TET3: variants seen among roughly 807,000 people sequenced by gnomAD.
TET3 encodes the protein methylcytosine dioxygenase TET3.
Under a neutral mutation model 141.4 loss-of-function variants are expected in TET3, and 19 were observed. The ratio of observed to expected loss-of-function variants is 0.13; its 90% CI spans 0.09 to 0.20. The LOEUF (loss-of-function observed/expected upper bound fraction) is 0.20. Ranked by LOEUF, TET3 falls within the 10% of genes least tolerant of loss-of-function variation. TET3 has a pLI of 1.00. For missense variants in TET3, 1,874 were observed against 2,356.9 expected, an observed-to-expected ratio of 0.80 and a Z score of 4.24; for synonymous variants, 1,043 against 980.9, an observed-to-expected ratio of 1.06 and a Z score of -1.18.
Position 74,008,039 on chromosome 2 carries a change from T to C in TET3, c.360+4873T>C, listed in dbSNP as rs141474632. 4.7e-3 allele frequency among the ~76,000 whole-genome samples: 721 copies of C among 152,258 alleles called. 5 individuals are homozygous for C. Among genetic ancestry groups the C allele is most frequent in the African/African-American group, 0.017 (687 of 41,530 alleles). On this transcript the variant is annotated intron_variant, in intron 3 of 11. Transcript: ENST00000409262. ...TTCCTCTTGGTTCCTGTATTTATGTTGTGGTGGATTGGTGTTAAGCAGTTT... is the reference window on the plus strand; with the variant it reads ...TTCCTCTTGGTTCCTGTATTTATGTCGTGGTGGATTGGTGTTAAGCAGTTT...
chr2:74,083,574 C>T (rs1689952280), intron 6 of TET3, among the ~76,000 whole-genome samples: 1 of 152,170 alleles, frequency 6.6e-6, no homozygotes, highest in South Asian at 2.1e-4. Context: ...ATCTCTCTTG[C>T]TCTGCTCAGG....
At chr2:74,109,313 C>G (rs1447106143), downstream of TET3, among the ~76,000 whole-genome samples, 1 of 151,928 alleles carries the variant, frequency 6.6e-6, no homozygotes, top group East Asian at 1.9e-4. Context: ...TGAAATCCCA[C>G]CACGAGAGAA....
At chr2:74,122,484 T>G in the TET3 span, 2 of 102,130 alleles carry the variant, frequency 2.0e-5, no homozygotes, top group South Asian at 5.0e-4. Flanking sequence ...TATATATAAA[T>G]ACATACATAT....
chr2:74,121,441 T>C, the TET3 span: 1 of 152,114 alleles, frequency 6.6e-6, no homozygotes, highest in Admixed American at 6.6e-5. Context: ...ATCAGAAAAA[T>C]GTCACAGCTG....
intron 3 of TET3, among the ~76,000 whole-genome samples, chr2:74,014,367 A>G (rs1685619094): frequency 6.6e-6 from 1 of 152,110 alleles, no homozygotes; most frequent in Non-Finnish European, 1.5e-5. Context: ...CAGCATGAGA[A>G]TTCCGAGCCC....
At chr2:74,018,217 T>C (rs1203577049) in intron 3 of TET3, among the ~76,000 whole-genome samples, 3 of 152,158 alleles carry the variant, frequency 2.0e-5, no homozygotes, top group Non-Finnish European at 1.5e-5. Context: ...TCGGCCTGCC[T>C]TGGCCTCCCA....
intron 3 of TET3, among the ~76,000 whole-genome samples, chr2:74,036,764 T>G (rs1208853993): frequency 6.6e-6 from 1 of 152,228 alleles, no homozygotes; most frequent in Non-Finnish European, 1.5e-5. Context: ...TTTTCCTGGT[T>G]CCTTCTTTTC....
At chr2:74,069,358 T>A (rs1689078686) in intron 4 of TET3, among the ~76,000 whole-genome samples, 1 of 149,638 alleles carries the variant, frequency 6.7e-6, no homozygotes, top group Non-Finnish European at 1.5e-5. Context: ...CAGTCAGGTA[T>A]TATTCTATCT....
downstream of TET3, among the ~76,000 whole-genome samples, chr2:74,109,203 G>A (rs978269537): frequency 6.6e-6 from 1 of 152,128 alleles, no homozygotes; most frequent in Admixed American, 6.6e-5. Flanking sequence ...GCTGGGGCTG[G>A]TTTCACTATT....
intron 3 of TET3, among the ~76,000 whole-genome samples, chr2:74,039,394 G>T (rs989227095): frequency 1.3e-5 from 2 of 152,146 alleles, no homozygotes; most frequent in African/African-American, 4.8e-5. Context: ...TATATACTGA[G>T]CCACCACAGG....
intron 3 of TET3, among the ~76,000 whole-genome samples, chr2:74,007,072 CATT>C (rs2105170113): frequency 6.6e-6 from 1 of 152,204 alleles, no homozygotes; most frequent in South Asian, 2.1e-4. Context: ...TAAGAGAAAT[CATT>C]ATTATTTGAT....
intron 3 of TET3, among the ~76,000 whole-genome samples, chr2:74,032,442 GGTGTGTCTCTGT>G (rs1220342829): frequency 1.1e-5 from 1 of 94,802 alleles, no homozygotes; most frequent in African/African-American, 5.8e-5. Flanking sequence ...CTGCAAGAGG[GGTGTGTCTCTGT>G]GTGTGTGTGT....
upstream of TET3, among the ~76,000 whole-genome samples, chr2:73,983,818 G>A (rs1343691026): frequency 6.6e-6 from 1 of 152,216 alleles, no homozygotes; most frequent in Admixed American, 6.5e-5. Context: ...GGACTCGCCC[G>A]AGTGTGTGTG....
downstream of TET3, among the ~76,000 whole-genome samples, chr2:74,109,745 G>A (rs1043685827): frequency 2.0e-5 from 3 of 152,152 alleles, no homozygotes; most frequent in Non-Finnish European, 4.4e-5. Flanking sequence ...CACACCTAGA[G>A]CATCATTATT....
intron 10 of TET3, among the ~76,000 whole-genome samples, chr2:74,097,469 C>T (rs1017385761): frequency 2.6e-5 from 4 of 152,126 alleles, no homozygotes; most frequent in Admixed American, 6.5e-5. Context: ...TGATTTTAAT[C>T]GGATATGGTA....
At chr2:74,120,089 G>A in the TET3 span, among the ~76,000 whole-genome samples, 3 of 152,156 alleles carry the variant, frequency 2.0e-5, no homozygotes, top group Non-Finnish European at 4.4e-5. Context: ...TCGATAGGCC[G>A]CCTCCCTTCT....
chr2:74,005,841 A>G (rs1455261562), intron 3 of TET3, among the ~76,000 whole-genome samples: 2 of 152,196 alleles, frequency 1.3e-5, no homozygotes, highest in Non-Finnish European at 2.9e-5. Flanking sequence ...GGTGCATTAC[A>G]TGTCTACCCG....
At chr2:74,042,541 T>C (rs748879124) in intron 3 of TET3, among the ~76,000 whole-genome samples, 3 of 152,192 alleles carry the variant, frequency 2.0e-5, no homozygotes, top group African/African-American at 7.2e-5. Context: ...TAAAACAAAC[T>C]TGTGGGAGAT....
chr2:74,128,035 A>G, the TET3 span, among the ~76,000 whole-genome samples: 193 of 152,348 alleles, frequency 1.3e-3, no homozygotes, highest in African/African-American at 4.1e-3. Context: ...TTAGAGATAT[A>G]TTTAATGTCA....
Sources: allele counts gnomAD v4.1 joint callset (sites outside exome capture counted in the v4.1 genomes callset), GRCh38; gene constraint gnomAD v4.1.1; transcripts MANE v1.5; gene names NCBI Gene and HGNC (gene_info 2026-07-23, HGNC 2026-07-21).